FAM20A: variants seen among roughly 807,000 people sequenced by gnomAD.
The protein encoded by FAM20A is FAM20A golgi associated secretory pathway pseudokinase, also known as pseudokinase FAM20A.
In FAM20A, 42 loss-of-function variants were observed where a neutral mutation model predicts 52.0. The observed-to-expected ratio is 0.81, with a 90% CI of 0.63 to 1.04. FAM20A has a LOEUF of 1.04. Ranked by LOEUF, FAM20A falls within the 50% of genes least tolerant of loss-of-function variation. FAM20A has a pLI of 0.00. For synonymous variants in FAM20A, 304 were observed against 298.9 expected (o/e 1.02, Z -0.18); for missense variants, 742 against 712.7 (o/e 1.04, Z -0.47).
rs774517781 is a variant in FAM20A, at chr17:68,554,789, C to T, written c.628G>A (p.Asp210Asn). 3.1e-6 allele frequency: 5 copies of T among 1,614,086 alleles called. No individual in the cohort carries two copies. In the Admixed American group the frequency reaches 6.7e-5, roughly 22 times the overall value. ...QDEKALLGAC[D>N]CTQIVKPSGV... ...CTAGGTCACTTACTCTGGGTGCAGT[C>T]ACATGCCCCCAGCAAGGCTTTCTCA... Residue 210 changes from aspartate to asparagine, a missense_variant, in exon 3 of 11, where the codon GAC becomes AAC. Transcript: ENST00000592554.
At chr17:68,594,170 G>C (rs998194151) in intron 1 of FAM20A, among the ~76,000 whole-genome samples, 2 of 152,256 alleles carry the variant, frequency 1.3e-5, no homozygotes, top group Non-Finnish European at 2.9e-5. Context: ...CCAGCACTTT[G>C]GGAGGCCGAG....
chr17:68,559,454 G>T (rs1158086504), intron 1 of FAM20A, among the ~76,000 whole-genome samples: 2 of 152,148 alleles, frequency 1.3e-5, no homozygotes, highest in Non-Finnish European at 1.5e-5. Context: ...AAAGCACAAA[G>T]TCTTCATGGC....
intron 1 of FAM20A, among the ~76,000 whole-genome samples, chr17:68,593,059 G>A (rs2088356073): frequency 1.3e-5 from 2 of 152,210 alleles, no homozygotes; most frequent in Admixed American, 6.5e-5. Context: ...AAGTGACAGG[G>A]CACAAAAAGA....
At chr17:68,581,350 T>TTTCTTTCTTTCTTTC (rs2087941952) in intron 1 of FAM20A, among the ~76,000 whole-genome samples, 12 of 92,278 alleles carry the variant, frequency 1.3e-4, no homozygotes, top group East Asian at 7.8e-4. Flanking sequence ...GAAATGCAGT[T>TTTCTTTCTTTCTTTC]TTTCTTTCTT....
chr17:68,600,712 G>A lies in FAM20A; in HGVS notation c.-46C>T, dbSNP rs373832799. On this transcript the variant is annotated 5_prime_UTR_variant, in exon 1 of 11. Coordinates refer to ENST00000592554, the MANE Select transcript of FAM20A (RefSeq NM_017565.4). The surrounding 1 kb of genome is among the most constrained non-coding windows in gnomAD (Gnocchi z 6.2). ...CGCCGGGGGCAGGCCGGCTGTCTCC[G>A]GGGTCCCGGGAGGGGTCGCGGGGTG... is the stretch of plus-strand genomic sequence containing the variant. The A allele has an allele frequency of 5.2e-4, 788 of 1,522,456 alleles. 4 individuals are homozygous for A. The African/African-American group carries it at 9.7e-3, about 19-fold the overall frequency. 94.3% of individuals were successfully genotyped at this position (1,522,456 alleles called of 1,614,324 possible). A position where few individuals can be genotyped will look rare whatever the true frequency, so the allele number is the denominator to read the frequency against.
Position 68,593,126 on chromosome 17 carries a change from TATA to T in FAM20A, c.404+7134_404+7136del, listed in dbSNP as rs2088358118. ...TTAAGTGCATATGTGTGTGCCTGCC[TATA>T]ATAACAGGTAAGAACTTATGTCTAG... On this transcript the variant is annotated intron_variant, in intron 1 of 10. Coordinates refer to ENST00000592554, the MANE Select transcript of FAM20A (RefSeq NM_017565.4). Among the ~76,000 whole-genome samples, 5 of 152,244 alleles carry T rather than the reference TATA, an allele frequency of 3.3e-5. No homozygotes were observed. The South Asian group carries it at 8.3e-4, about 25-fold the overall frequency.
chr17:68,571,087 G>A (rs2087522837), intron 1 of FAM20A, among the ~76,000 whole-genome samples: 1 of 152,070 alleles, frequency 6.6e-6, no homozygotes, highest in South Asian at 2.1e-4. Context: ...TCAGTGCCTG[G>A]GATCCCAAAT....
At chr17:68,560,359 AAG>A (rs2087177937) in intron 1 of FAM20A, among the ~76,000 whole-genome samples, 1 of 151,852 alleles carries the variant, frequency 6.6e-6, no homozygotes, top group Non-Finnish European at 1.5e-5. Flanking sequence ...AAAAAAAAAA[AAG>A]AGATTTCGGA....
In FAM20A at chr17:68,537,243, G is replaced by A. The variant is rs1254474070; in HGVS notation, c.*234C>T. 2.9e-6 allele frequency: 2 copies of A among 679,440 alleles called. No homozygotes were observed. The highest frequency in any genetic ancestry group is 5.3e-6 in the Non-Finnish European group (2 of 375,368). 42.1% of individuals were successfully genotyped at this position (679,440 alleles called of 1,614,324 possible). ...TCAGGAGATCGTCGGTGGCCTTGAT[G>A]AAGCCAGTGCTTTTTGGGAAAAACG... On this transcript the variant is annotated 3_prime_UTR_variant, in exon 11 of 11. Coordinates refer to ENST00000592554, the MANE Select transcript of FAM20A (RefSeq NM_017565.4). The surrounding 1 kb of genome is among the most constrained non-coding windows in gnomAD (Gnocchi z 4.2).
At chr17:68,595,244 T>C (rs1313336362) in intron 1 of FAM20A, among the ~76,000 whole-genome samples, 2 of 152,236 alleles carry the variant, frequency 1.3e-5, no homozygotes, top group Admixed American at 6.5e-5. Context: ...GCTGAAGGGC[T>C]TCATTTTGAT....
intron 1 of FAM20A, among the ~76,000 whole-genome samples, chr17:68,581,561 C>T (rs2088002742): frequency 8.2e-6 from 1 of 122,026 alleles, no homozygotes; most frequent in Admixed American, 9.3e-5. Context: ...TTTCTTTCCT[C>T]TCTCTCTCTT....
intron 1 of FAM20A, among the ~76,000 whole-genome samples, chr17:68,578,208 A>G (rs186318343): frequency 3.9e-5 from 6 of 152,320 alleles, no homozygotes; most frequent in African/African-American, 1.4e-4. Context: ...GAATATATTT[A>G]TTTTCAAAAG....
In FAM20A at chr17:68,535,770, A is replaced by G. The variant is rs753260650; in HGVS notation, c.*1707T>C. The G allele has an allele frequency of 3.4e-4, 155 of 453,430 alleles. 1 individual carries two copies. Among genetic ancestry groups the G allele is most frequent in the Non-Finnish European group, 6.1e-4 (139 of 226,594 alleles). 28.1% of individuals were successfully genotyped at this position (453,430 alleles called of 1,614,324 possible). A position where few individuals can be genotyped will look rare whatever the true frequency, so the allele number is the denominator to read the frequency against. On this transcript the variant is annotated 3_prime_UTR_variant, in exon 11 of 11. Coordinates refer to ENST00000592554, the MANE Select transcript of FAM20A (RefSeq NM_017565.4). ...CAAGCGATCTGCCTGTTTAGGCCCA[A>G]AGTGCTGGGATTACAGGTGTGAGCC...
chr17:68,584,317 AAAAACAAAAC>A (rs908127396), intron 1 of FAM20A, among the ~76,000 whole-genome samples: 8 of 122,928 alleles, frequency 6.5e-5, no homozygotes, highest in African/African-American at 1.2e-4. Context: ...ACTCCATCTC[AAAAACAAAAC>A]AAAACAAAAC....
In FAM20A at chr17:68,591,075, A is replaced by C. The variant is rs1161467300; in HGVS notation, c.404+9188T>G. On this transcript the variant is annotated intron_variant, in intron 1 of 10. Transcript: ENST00000592554. ...ATGGAAAGAGGGAATAGAGACAAAG[A>C]CACAGAGTCCAAGGACTCTGTTTTG... Among the ~76,000 whole-genome samples, 4 of 147,052 alleles carry C rather than the reference A, an allele frequency of 2.7e-5. No homozygotes were observed. The East Asian group carries it at 6.1e-4, about 22-fold the overall frequency.
chr17:68,589,320 C>A lies in FAM20A; in HGVS notation c.404+10943G>T, dbSNP rs118136155. Among the ~76,000 whole-genome samples, 166 of 152,268 alleles carry A rather than the reference C, an allele frequency of 1.1e-3. 2 individuals carry two copies. Among genetic ancestry groups the A allele is most frequent in the African/African-American group, 3.9e-3 (160 of 41,542 alleles). On this transcript the variant is annotated intron_variant, in intron 1 of 10. Transcript: ENST00000592554. ...GACACCTGAGTAAGTCCAGTAGAGA[C>A]CAGAAGAACCATTCAGCTGAACCCA...
Position 68,535,234 on chromosome 17 carries a change from A to G in FAM20A, c.*2243T>C. On this transcript the variant is annotated 3_prime_UTR_variant, in exon 11 of 11. Transcript: ENST00000592554. ...TGATATTTTTGAGAAATGAGTCTTA[A>G]TTTTGTTACTAATCAAAAAGTAATG... 2.2e-6 allele frequency: 1 copy of G among 451,082 alleles called. No individual in the cohort carries two copies. The highest frequency in any genetic ancestry group is 4.5e-6 in the Non-Finnish European group (1 of 224,682). The allele number at this position is 451,082 out of a possible 1,614,324, so 27.9% of individuals were successfully genotyped here. A position where few individuals can be genotyped will look rare whatever the true frequency, so the allele number is the denominator to read the frequency against.
chr17:68,565,079 T>C (rs1421030031), intron 1 of FAM20A, among the ~76,000 whole-genome samples: 2 of 152,090 alleles, frequency 1.3e-5, no homozygotes, highest in African/African-American at 4.8e-5. Flanking sequence ...CCTCCAAAGG[T>C]TTTAGAGCAA....
chr17:68,551,296 A>C, intron 4 of FAM20A: 1 of 433,936 alleles, frequency 2.3e-6, no homozygotes, highest in Non-Finnish European at 3.9e-6. Context: ...TATGAATAAA[A>C]TATAAATTAA....
Sources: allele counts gnomAD v4.1 joint callset (sites outside exome capture counted in the v4.1 genomes callset), GRCh38; gene constraint gnomAD v4.1.1; non-coding constraint Gnocchi (gnomAD v3.1); transcripts MANE v1.5; gene names NCBI Gene and HGNC (gene_info 2026-07-23, HGNC 2026-07-21).